Variants in XPO5 observed in about 807,000 individuals in gnomAD.
XPO5 encodes exportin-5.
In XPO5, 46 loss-of-function variants were observed where a neutral mutation model predicts 160.6. The observed-to-expected ratio is 0.29, with a 90% confidence interval of 0.23 to 0.37. The LOEUF is 0.37. Among genes scored for constraint, XPO5 ranks in the 10% least tolerant of loss-of-function variants. XPO5 has a pLI of 1.00. For missense variants in XPO5, 1,090 were observed against 1,463.9 expected (o/e 0.74, Z 4.17); for synonymous variants, 537 against 519.3 (o/e 1.03, Z -0.46).
chr6:43,554,561 A>G (rs2127737019), intron 13 of XPO5, among the ~76,000 whole-genome samples: 1 of 151,360 alleles, frequency 6.6e-6, no homozygotes, highest in South Asian at 2.1e-4. Flanking sequence ...AGTAGCTAGG[A>G]TTAAAGGGGC....
At chr6:43,553,319 GAAAAGA>G in intron 14 of XPO5, 48 bp downstream of exon 14, 1 of 1,559,672 alleles carries the variant, frequency 6.4e-7, no homozygotes, top group Non-Finnish European at 8.7e-7. Context: ...AAAGAGAAAA[GAAAAGA>G]AAAAGGTCAA....
intron 25 of XPO5, 113 bp downstream of exon 25, chr6:43,528,046 A>C: frequency 1.8e-6 from 2 of 1,106,174 alleles, no homozygotes; most frequent in Admixed American, 4.6e-5. Flanking sequence ...GAGAATGACT[A>C]CAACCTACTG....
Position 43,525,090 on chromosome 6 carries a change from G to C in XPO5, c.3174+17C>G. The stretch of plus-strand genomic sequence containing the variant: ...AACCTTCCATGAGGGGCAGGGAAAA[G>C]GGGTGAATAACCATACTTGTTTGAG... On this transcript the variant is annotated intron_variant, in intron 29 of 31. Transcript: ENST00000265351. The C allele has an allele frequency of 6.4e-7, 1 of 1,569,776 alleles. No individual in the cohort carries two copies. The highest frequency in any genetic ancestry group is 8.6e-7 in the Non-Finnish European group (1 of 1,156,936).
At chr6:43,566,584 A>T in intron 7 of XPO5, 1 of 376,294 alleles carries the variant, frequency 2.7e-6, no homozygotes, top group Admixed American at 2.5e-5. Context: ...TGAGGAGGGC[A>T]GATCACTTGA....
intron 17 of XPO5, 74 bp downstream of exon 17, chr6:43,549,415 A>T: frequency 7.1e-7 from 1 of 1,409,680 alleles, no homozygotes; most frequent in Non-Finnish European, 9.6e-7. Flanking sequence ...TCTTTATGTG[A>T]GGTACACTGA....
rs1321611731 is a variant in XPO5, at chr6:43,570,571, C to G, written c.552G>C (p.Gln184His). 6.2e-7 allele frequency: 1 copy of G among 1,613,622 alleles called. No individual in the cohort carries two copies. The highest frequency in any genetic ancestry group is 1.3e-5 in the African/African-American group (1 of 74,894). ...RRRDIQQTLT[Q>H]NMERIFSFLL... ...GAAAACTGAAGATCCTTTCCATGTT[C>G]TGGGTTAATGTTTGCTGGATGTCCC... Residue 184 changes from glutamine to histidine, a missense_variant, in exon 5 of 32, where the codon CAG (glutamine) becomes CAC (histidine). Gln to His is a conservative substitution (Grantham distance 24). Transcript: ENST00000265351.
Position 43,547,678 on chromosome 6 carries a change from G to T in XPO5, c.2090C>A (p.Ala697Glu), listed in dbSNP as rs202182348. 1.9e-6 allele frequency: 3 copies of T among 1,613,898 alleles called. No homozygotes were observed. The highest frequency in any genetic ancestry group is 2.2e-5 in the South Asian group (2 of 91,074). ...GCTCTTCTGATCTGTACCCACATAC[G>T]CAATGAAAGCATCAACATCTGACAG... The part of the protein sequence containing the change: ...RVLSDVDAFI[A>E]YVGTDQKSCD... Residue 697 changes from alanine to glutamate, a missense_variant, in exon 19 of 32, where the codon GCG (alanine) becomes GAG (glutamate). Transcript: ENST00000265351.
Position 43,573,829 on chromosome 6 carries a change from T to A in XPO5, c.106-228A>T, listed in dbSNP as rs1366457885. 1.9e-3 allele frequency among the ~76,000 whole-genome samples: 256 copies of A among 132,676 alleles called. 1 individual carries two copies. The highest frequency in any genetic ancestry group is 3.8e-3 in the Middle Eastern group (1 of 262). The allele number at this position is 132,676 out of a possible 152,430, so 87.0% of individuals were successfully genotyped here. On this transcript the variant is annotated intron_variant, in intron 1 of 31. Transcript: ENST00000265351. ...AATATATATATATATATATATTTTT[T>A]TTTTTTTTTTTTGAGACGGAGTCTC...
Position 43,546,636 on chromosome 6 carries a change from TG to T in XPO5, c.2276del (p.Pro759GlnfsTer12). On this transcript the variant is annotated frameshift_variant, in exon 20 of 32. Coordinates refer to ENST00000265351, the MANE Select transcript of XPO5 (RefSeq NM_020750.3). LOFTEE classifies it high-confidence loss of function. ...FVVGYTSSGN[P>X]IFRNPCTEQI... ...GCTCTGTGCAGGGGTTACGGAAGAT[TG>T]GATTTCCACTGGATGTATAACCCAC... 1 of 1,614,014 alleles carries T rather than the reference TG, an allele frequency of 6.2e-7. No individual in the cohort carries two copies. The highest frequency in any genetic ancestry group is 8.5e-7 in the Non-Finnish European group (1 of 1,179,896).
At chr6:43,531,402 A>T in intron 22 of XPO5, 77 bp downstream of exon 22, 1 of 1,383,208 alleles carries the variant, frequency 7.2e-7, no homozygotes, top group South Asian at 1.2e-5. Flanking sequence ...ACACTAGATG[A>T]AAAGTCCAAC....
rs1793618933 is a variant in XPO5, at chr6:43,526,730, T to C, written c.2938A>G (p.Lys980Glu). Residue 980 changes from lysine (K) to glutamate (E), a missense_variant, in exon 27 of 32, where the codon AAG (lysine) becomes GAG (glutamate). By Grantham distance (56) the Lys-to-Glu change is moderately conservative. Coordinates refer to ENST00000265351, the MANE Select transcript of XPO5 (RefSeq NM_020750.3). ...GCACTACTGTGGTCAGCACCCTTCT[T>C]TGAAACACAGCAAACCGCTAAAGCA... The part of the protein sequence containing the change: ...MDLITVCCVS[K>E]KGADHSSAPP... 1 of 1,613,928 alleles carries C rather than the reference T, an allele frequency of 6.2e-7. No individual in the cohort carries two copies. Among genetic ancestry groups the C allele is most frequent in the Non-Finnish European group, 8.5e-7 (1 of 1,179,862 alleles).
At chr6:43,532,871 G>A (rs558783458) in intron 21 of XPO5, among the ~76,000 whole-genome samples, 8 of 152,234 alleles carry the variant, frequency 5.3e-5, no homozygotes, top group Non-Finnish European at 1.2e-4. Flanking sequence ...AAGGCCAGGC[G>A]TGGTGGCTCA....
At chr6:43,543,229 G>A (rs1794789156) in intron 20 of XPO5, among the ~76,000 whole-genome samples, 1 of 152,084 alleles carries the variant, frequency 6.6e-6, no homozygotes, top group Non-Finnish European at 1.5e-5. Flanking sequence ...ACTTTGGGAG[G>A]ATCTCTTGAG....
chr6:43,547,515 T>A lies in XPO5; in HGVS notation c.2160+93A>T, dbSNP rs1795016673. 4.3e-6 allele frequency: 5 copies of A among 1,165,728 alleles called. No individual in the cohort carries two copies. The South Asian group carries it at 6.4e-5, about 15-fold the overall frequency. 72.2% of individuals were successfully genotyped at this position (1,165,728 alleles called of 1,614,324 possible). A position where few individuals can be genotyped will look rare whatever the true frequency, so the allele number is the denominator to read the frequency against. The stretch of plus-strand genomic sequence containing the variant: ...GAGACTCCCACGTTTCTCACCAGTA[T>A]AGAAAAAACAAATCTATGAGAAACT... On this transcript the variant is annotated intron_variant, in intron 19 of 31. Transcript: ENST00000265351.
chr6:43,560,639 C>T (rs1052212617), intron 10 of XPO5, among the ~76,000 whole-genome samples: 2 of 152,136 alleles, frequency 1.3e-5, no homozygotes, highest in Non-Finnish European at 2.9e-5. Context: ...ACTTTTGTTT[C>T]AAAAATCTTT....
At position 43,522,380 on chromosome 6, in the gene XPO5, G is replaced by C. The variant is rs1793240706; in HGVS notation, c.*1488C>G. 1 of 160,332 alleles carries C rather than the reference G, an allele frequency of 6.2e-6. No homozygotes were observed. The highest frequency in any genetic ancestry group is 1.6e-4 in the South Asian group (1 of 6,450). 9.9% of individuals were successfully genotyped at this position (160,332 alleles called of 1,614,324 possible). ...TTTACTGACATGCAGATGTGCTTTA[G>C]AGTTAATGTTTCTACAAAAAGTTTC... On this transcript the variant is annotated 3_prime_UTR_variant, in exon 32 of 32. Transcript: ENST00000265351.
At chr6:43,553,728 C>T (rs1761852773) in intron 13 of XPO5, 1 of 883,114 alleles carries the variant, frequency 1.1e-6, no homozygotes, top group Non-Finnish European at 1.5e-6. Context: ...CCTCCTCCTC[C>T]TCTAACAATG....
At chr6:43,539,616 CGAAACCTCTGCG>C (rs1241039523) in intron 20 of XPO5, 1 of 1,374,516 alleles carries the variant, frequency 7.3e-7, no homozygotes, top group African/African-American at 1.4e-5. Context: ...ATGCCACTGG[CGAAACCTCTGCG>C]GAAGCCACCG....
intron 22 of XPO5, 113 bp downstream of exon 22, chr6:43,531,366 T>A: frequency 1.7e-5 from 16 of 941,256 alleles, no homozygotes; most frequent in Non-Finnish European, 2.5e-5. Flanking sequence ...AAGTTTCCTA[T>A]CAAACTCTTG....
Sources: allele counts gnomAD v4.1 joint callset (sites outside exome capture counted in the v4.1 genomes callset), GRCh38; gene constraint gnomAD v4.1.1; transcripts MANE v1.5; gene names NCBI Gene and HGNC (gene_info 2026-07-23, HGNC 2026-07-21).